The following MGAT5B variants were observed in gnomAD, a reference collection of about 807,000 sequenced individuals.
The protein encoded by MGAT5B is N-acetylglucosaminyl-transferase Vb.
A neutral mutation model predicts 95.1 loss-of-function variants in MGAT5B; 54 were observed. The ratio of observed to expected loss-of-function variants is 0.57; its 90% CI spans 0.46 to 0.71. The LOEUF is 0.71. MGAT5B is among the 30% of genes least tolerant of loss of function. MGAT5B has a pLI of 0.00. For missense variants in MGAT5B, 935 were observed against 1,088.6 expected, an observed-to-expected ratio of 0.86 and a Z score of 1.99; for synonymous variants, 464 against 451.0, an observed-to-expected ratio of 1.03 and a Z score of -0.36.
At chr17:76,937,003 TG>T (rs1271751249) in intron 12 of MGAT5B, among the ~76,000 whole-genome samples, 9 of 124,016 alleles carry the variant, frequency 7.3e-5, no homozygotes, top group South Asian at 2.8e-4. Context: ...GGGATTTCAA[TG>T]TTTTTTTTTT....
chr17:76,891,857 C>G (rs370363534), intron 3 of MGAT5B, among the ~76,000 whole-genome samples: 1 of 151,930 alleles, frequency 6.6e-6, no homozygotes, highest in Admixed American at 6.6e-5. Flanking sequence ...ACATGCAGCA[C>G]GGGGCCAGCC....
intron 13 of MGAT5B, among the ~76,000 whole-genome samples, chr17:76,939,769 C>T (rs575518108): frequency 4.6e-5 from 7 of 152,180 alleles, no homozygotes; most frequent in East Asian, 1.9e-4. Flanking sequence ...TGAGAATATG[C>T]GGTATTTGGT....
chr17:76,927,429 A>G (rs1969347568), intron 10 of MGAT5B, among the ~76,000 whole-genome samples: 1 of 152,104 alleles, frequency 6.6e-6, no homozygotes, highest in Admixed American at 6.6e-5. Flanking sequence ...TTGTAGAGAA[A>G]GGGTTTCACC....
intron 3 of MGAT5B, among the ~76,000 whole-genome samples, chr17:76,887,433 CCCTCCCTCCCTCCCTTCCTT>C (rs1483466272): frequency 1.6e-5 from 2 of 125,216 alleles, no homozygotes; most frequent in South Asian, 3.5e-4. Context: ...GTCTTTCTTT[CCCTCCCTCCCTCCCTTCCTT>C]CCTCCCTCCC....
At position 76,903,384 on chromosome 17, in the gene MGAT5B, C is replaced by T; in HGVS notation, c.519+8C>T. The T allele has an allele frequency of 6.2e-7, 1 of 1,607,828 alleles. No homozygotes were observed. Among genetic ancestry groups the T allele is most frequent in the Non-Finnish European group, 8.5e-7 (1 of 1,176,796 alleles). On this transcript the variant is annotated splice_region_variant and intron_variant, in intron 5 of 17. Transcript: ENST00000569840. ...TGCTCAGGGAAGGTGGAGGTGAGGCCTGGGGCTGAGGGGTGGGGATGTCTA... is the reference window on the plus strand; with the variant it reads ...TGCTCAGGGAAGGTGGAGGTGAGGCTTGGGGCTGAGGGGTGGGGATGTCTA...
At chr17:76,948,216 G>C in intron 17 of MGAT5B, 130 bp downstream of exon 17, 1 of 1,433,456 alleles carries the variant, frequency 7.0e-7, no homozygotes, top group Non-Finnish European at 9.1e-7. Flanking sequence ...TTTCCAATGA[G>C]TCAGGAAGGA....
At chr17:76,924,494 G>A (rs9891265) in intron 8 of MGAT5B, 67,196 of 155,744 alleles carry the variant, frequency 0.43, 17,369 homozygotes, top group Non-Finnish European at 0.58. Context: ...AGCAGCTCGC[G>A]GCCTCAGCCA....
Position 76,870,398 on chromosome 17 carries a change from GTCTCT to G in MGAT5B, c.68+1302_68+1306del, listed in dbSNP as rs1272904264. On this transcript the variant is annotated intron_variant, in intron 1 of 17. Transcript: ENST00000569840. This position sits in a 1 kb window ranked among gnomAD's most constrained non-coding sequence, Gnocchi z 5.0. ...ATGGGAAGCAGGGCGGGAAGCAGGC[GTCTCT>G]GGAAAGGGCCTTGCTCCTCCAGGGA... Among the ~76,000 whole-genome samples, 2 of 152,146 alleles carry G rather than the reference GTCTCT, an allele frequency of 1.3e-5. No homozygotes were observed. Among genetic ancestry groups the G allele is most frequent in the African/African-American group, 4.8e-5 (2 of 41,444 alleles).
intron 3 of MGAT5B, among the ~76,000 whole-genome samples, chr17:76,886,975 C>T (rs1270441568): frequency 2.6e-5 from 4 of 152,092 alleles, no homozygotes; most frequent in Non-Finnish European, 5.9e-5. Flanking sequence ...AGCTGAGAGG[C>T]GGAGGCTGCA....
intron 2 of MGAT5B, 144 bp from the exon 3 acceptor site, chr17:76,882,007 A>C: frequency 1.3e-6 from 1 of 790,566 alleles, no homozygotes; most frequent in Non-Finnish European, 2.0e-6. Context: ...AGTGCCTGGG[A>C]AGATGGAGCT....
intron 2 of MGAT5B, among the ~76,000 whole-genome samples, chr17:76,880,344 C>G (rs1490484293): frequency 2.0e-5 from 3 of 152,220 alleles, no homozygotes; most frequent in Non-Finnish European, 4.4e-5. Flanking sequence ...GGCCTCCCTT[C>G]TGACCTCAGG....
rs560596224 is a variant in MGAT5B, at chr17:76,916,060, G to A, written c.1026-8906G>A. 7.0e-4 allele frequency among the ~76,000 whole-genome samples: 107 copies of A among 152,322 alleles called. No individual in the cohort carries two copies. Among genetic ancestry groups the A allele is most frequent in the Non-Finnish European group, 1.1e-3 (72 of 68,028 alleles). ...GTCACGTTGAGTGCCGCCAAATGTC[G>A]TGGGCCTCTGCTGCTGGGGCCTGGG... On this transcript the variant is annotated intron_variant, in intron 8 of 17. Transcript: ENST00000569840. This position sits in a 1 kb window ranked among gnomAD's most constrained non-coding sequence, Gnocchi z 5.3.
intron 10 of MGAT5B, among the ~76,000 whole-genome samples, chr17:76,932,102 GTCTTTGTCTTCGTCT>G (rs1398547820): frequency 2.9e-5 from 3 of 103,074 alleles, no homozygotes; most frequent in Non-Finnish European, 5.5e-5. Flanking sequence ...CCCCTTCTTC[GTCTTTGTCTTCGTCT>G]TCTTTGTCTT....
intron 13 of MGAT5B, among the ~76,000 whole-genome samples, chr17:76,939,439 G>A (rs530471565): frequency 1.4e-4 from 22 of 152,200 alleles, no homozygotes; most frequent in African/African-American, 4.1e-4. Flanking sequence ...GCTTGAACCC[G>A]GGAGGCAGAG....
At chr17:76,890,140 A>G (rs544682272) in intron 3 of MGAT5B, among the ~76,000 whole-genome samples, 76 of 152,300 alleles carry the variant, frequency 5.0e-4, no homozygotes, top group African/African-American at 1.6e-3. Context: ...GGGTCTGAAG[A>G]GGGACAGTGA....
intron 12 of MGAT5B, among the ~76,000 whole-genome samples, chr17:76,937,704 A>T (rs1969723304): frequency 1.3e-5 from 2 of 152,208 alleles, no homozygotes. Flanking sequence ...AAGTGGCACC[A>T]CGTGAATCCA....
chr17:76,877,301 G>T (rs931198595), intron 2 of MGAT5B, among the ~76,000 whole-genome samples: 4 of 150,384 alleles, frequency 2.7e-5, no homozygotes, highest in African/African-American at 7.4e-5. Flanking sequence ...CTCCAGCCTG[G>T]GTGACAGAGC....
Position 76,912,287 on chromosome 17 carries a change from C to A in MGAT5B, c.1025+6100C>A, listed in dbSNP as rs1337214925. Among the ~76,000 whole-genome samples the A allele has an allele frequency of 6.6e-6, 1 of 152,144 alleles. No homozygotes were observed. Reference sequence around the variant, plus strand: ...ATGGCAACCACTGGGGGGCCCTGGGCAGAGTTCCCAGCGAGCAACCGCGAG... The same window carrying A: ...ATGGCAACCACTGGGGGGCCCTGGGAAGAGTTCCCAGCGAGCAACCGCGAG... On this transcript the variant is annotated intron_variant, in intron 8 of 17. Transcript: ENST00000569840. The surrounding 1 kb of genome is among the most constrained non-coding windows in gnomAD (Gnocchi z 5.0).
chr17:76,872,507 G>A (rs2145110313), intron 1 of MGAT5B: 2 of 633,258 alleles, frequency 3.2e-6, no homozygotes, highest in African/African-American at 1.8e-5. Context: ...GGAGTCTCAG[G>A]TGATGCTGAC....
Sources: gnomAD v4.1 joint callset for allele counts (sites outside exome capture counted in the v4.1 genomes callset) on GRCh38, gnomAD v4.1.1 for gene constraint, Gnocchi (gnomAD v3.1) non-coding constraint, MANE v1.5 for transcripts, NCBI Gene and HGNC (gene_info 2026-07-23, HGNC 2026-07-21) for gene names.